Variants in GUCY2C observed in about 807,000 individuals in gnomAD.
GUCY2C encodes the protein guanylate cyclase 2C, also known as guanylyl cyclase C.
Under a neutral mutation model 131.1 loss-of-function variants are expected in GUCY2C, and 118 were observed. The ratio of observed to expected loss-of-function variants is 0.90; its 90% CI spans 0.78 to 1.05. The LOEUF (loss-of-function observed/expected upper bound fraction) is 1.05, where lower values mean the gene tolerates loss of function less well. Among genes scored for constraint, GUCY2C ranks in the 50% least tolerant of loss-of-function variants. The pLI, the probability that GUCY2C is intolerant of heterozygous loss-of-function variation, is 0.00. For missense variants in GUCY2C, 1,161 were observed against 1,304.4 expected (o/e 0.89, Z 1.69); for synonymous variants, 452 against 457.8 (o/e 0.99, Z 0.16).
At chr12:14,644,250 G>A (rs756175720) in intron 16 of GUCY2C, among the ~76,000 whole-genome samples, 1 of 152,114 alleles carries the variant, frequency 6.6e-6, no homozygotes, top group Non-Finnish European at 1.5e-5. Flanking sequence ...TTGGGAGGCC[G>A]AGCTACTCAG....
chr12:14,621,966 T>G, intron 22 of GUCY2C, 39 bp downstream of exon 22: 1 of 1,424,684 alleles, frequency 7.0e-7, no homozygotes, highest in Non-Finnish European at 9.6e-7. Flanking sequence ...CCTTGAGTTG[T>G]ACAATTAATG....
At chr12:14,639,777 G>T in intron 19 of GUCY2C, 85 bp downstream of exon 19, 3 of 870,858 alleles carry the variant, frequency 3.4e-6, no homozygotes, top group Middle Eastern at 4.4e-4. Context: ...AACCGTAAGT[G>T]AATAAATTTT....
At chr12:14,695,427 C>T (rs1948638465) in intron 1 of GUCY2C, among the ~76,000 whole-genome samples, 1 of 151,734 alleles carries the variant, frequency 6.6e-6, no homozygotes, top group South Asian at 2.1e-4. Context: ...ACAGACCACC[C>T]CCTCTCTACT....
At chr12:14,679,948 T>C (rs1565632934) in intron 5 of GUCY2C, among the ~76,000 whole-genome samples, 195 bp from the exon 6 acceptor site, 1 of 152,014 alleles carries the variant, frequency 6.6e-6, no homozygotes, top group African/African-American at 2.4e-5. Context: ...GAATGGGATC[T>C]TTTTTAAAAA....
intron 2 of GUCY2C, 54 bp downstream of exon 2, chr12:14,687,897 G>A: frequency 1.1e-6 from 1 of 933,300 alleles, no homozygotes; most frequent in African/African-American, 1.6e-5. Context: ...TTTCACACTG[G>A]GATTATCCTG....
intron 9 of GUCY2C, 150 bp downstream of exon 9, chr12:14,672,723 C>T: frequency 1.7e-6 from 1 of 605,388 alleles, no homozygotes; most frequent in East Asian, 2.8e-5. Flanking sequence ...GAATACTACC[C>T]TAAGTGGGGC....
intron 12 of GUCY2C, among the ~76,000 whole-genome samples, chr12:14,654,387 C>G (rs550759173): frequency 2.0e-5 from 3 of 152,284 alleles, no homozygotes; most frequent in African/African-American, 7.2e-5. Context: ...CTACCTGACT[C>G]TTAGCACCTG....
Position 14,613,064 on chromosome 12 carries a change from G to A in GUCY2C, c.*53C>T, listed in dbSNP as rs1028714696. ...AGCTTTCAGGACACTTGAGGTCGCT[G>A]CCTCAGTGCAGCTGTATTTTAATTT... On this transcript the variant is annotated 3_prime_UTR_variant, in exon 27 of 27. Transcript: ENST00000261170. This position sits in a 1 kb window ranked among gnomAD's most constrained non-coding sequence, Gnocchi z 4.9. The A allele has an allele frequency of 1.4e-6, 2 of 1,430,074 alleles. No individual in the cohort carries two copies. The highest frequency in any genetic ancestry group is 2.0e-6 in the Non-Finnish European group (2 of 1,018,128). 88.6% of individuals were successfully genotyped at this position (1,430,074 alleles called of 1,614,324 possible).
In GUCY2C at chr12:14,657,183, C is replaced by T. The variant is rs115408720; in HGVS notation, c.1365-566G>A. ...TCACTTCACTTTCCTAGGTTTTTCA[C>T]TAAGGCAGTCCTTCACAATACTAAA... On this transcript the variant is annotated intron_variant, in intron 11 of 26. Coordinates refer to ENST00000261170, the MANE Select transcript of GUCY2C (RefSeq NM_004963.4). Among the ~76,000 whole-genome samples, 1,217 of 152,184 alleles carry T rather than the reference C, an allele frequency of 8.0e-3. 17 individuals are homozygous for T. Among genetic ancestry groups the T allele is most frequent in the African/African-American group, 0.027 (1,133 of 41,506 alleles).
chr12:14,623,952 C>T (rs868217521), intron 21 of GUCY2C, among the ~76,000 whole-genome samples: 7 of 152,068 alleles, frequency 4.6e-5, no homozygotes, highest in African/African-American at 1.2e-4. Context: ...TACCTAGTCT[C>T]GGGTAGTTCT....
chr12:14,653,078 A>C, intron 12 of GUCY2C, 64 bp from the exon 13 acceptor site: 4 of 1,175,622 alleles, frequency 3.4e-6, no homozygotes, highest in Non-Finnish European at 5.1e-6. Flanking sequence ...CTGCCTGTCA[A>C]AGGCTGAGAG....
intron 18 of GUCY2C, among the ~76,000 whole-genome samples, chr12:14,640,338 T>C (rs1947369069): frequency 6.6e-6 from 1 of 151,524 alleles, no homozygotes; most frequent in Non-Finnish European, 1.5e-5. Flanking sequence ...GCACCTGTCG[T>C]CCCAGCTACT....
At position 14,614,890 on chromosome 12, in the gene GUCY2C, GA is replaced by G. The variant is rs1946724815; in HGVS notation, c.3023del (p.Phe1008SerfsTer22). ...YWLTGMKDQKFNLPTPPTVEN... is the reference protein window; with the variant it reads ...YWLTGMKDQKXNLPTPPTVEN... ...ACACAGTAGGAGGGGTTGGCAGGTT[GA>G]ATTTCTGGTCCTTCATCCCAGTCAG... On this transcript the variant is annotated frameshift_variant, in exon 26 of 27. Coordinates refer to ENST00000261170, the MANE Select transcript of GUCY2C (RefSeq NM_004963.4). LOFTEE classifies it high-confidence loss of function. The G allele has an allele frequency of 6.3e-7, 1 of 1,586,474 alleles. No homozygotes were observed. The highest frequency in any genetic ancestry group is 8.6e-7 in the Non-Finnish European group (1 of 1,169,122).
chr12:14,674,650 A>AT lies in GUCY2C; in HGVS notation c.1058dup (p.His353GlnfsTer9). The AT allele has an allele frequency of 6.2e-7, 1 of 1,613,780 alleles. No individual in the cohort carries two copies. The highest frequency in any genetic ancestry group is 8.5e-7 in the Non-Finnish European group (1 of 1,179,760). Reference sequence around the variant, plus strand: ...CTTCAAAAGTGAGATTCCTGAAAGCATGAGCAAATTTGGGGGTGGTAATAT... The same window carrying AT: ...CTTCAAAAGTGAGATTCCTGAAAGCATTGAGCAAATTTGGGGGTGGTAATAT... On this transcript the variant is annotated frameshift_variant, in exon 8 of 27. Transcript: ENST00000261170. LOFTEE classifies it high-confidence loss of function.
intron 1 of GUCY2C, among the ~76,000 whole-genome samples, chr12:14,689,295 T>C (rs1948533754): frequency 6.6e-6 from 1 of 152,006 alleles, no homozygotes; most frequent in South Asian, 2.1e-4. Context: ...AGCAAGTGGG[T>C]GAAGGGAACT....
intron 11 of GUCY2C, among the ~76,000 whole-genome samples, chr12:14,656,823 C>G (rs914528720): frequency 6.6e-6 from 1 of 152,124 alleles, no homozygotes; most frequent in African/African-American, 2.4e-5. Context: ...GCTTTTATAG[C>G]GGTGGCCCTC....
chr12:14,669,792 G>A lies in GUCY2C; in HGVS notation c.1212C>T (p.Thr404=), dbSNP rs770892423. The A allele has an allele frequency of 6.2e-7, 1 of 1,603,578 alleles. No homozygotes were observed. Among genetic ancestry groups the A allele is most frequent in the African/African-American group, 1.3e-5 (1 of 74,720 alleles). ...ATGTGGGGCTCATATCCACAGGATA[G>A]GTCTTATTTACGTGGGTATCATAGG... is the stretch of plus-strand genomic sequence containing the variant. The part of the protein sequence containing the change: ...LLTYDTHVNK[T]YPVDMSPTFT... Residue 404 remains threonine, a synonymous_variant, in exon 10 of 27, where the codon ACC becomes ACT. Coordinates refer to ENST00000261170, the MANE Select transcript of GUCY2C (RefSeq NM_004963.4).
chr12:14,691,619 C>T (rs2114841), intron 1 of GUCY2C, among the ~76,000 whole-genome samples: 39,101 of 151,952 alleles, frequency 0.26, 6,668 homozygotes, highest in African/African-American at 0.47. Flanking sequence ...TGACCTCCTG[C>T]CTCTATGAGG....
chr12:14,641,190 G>A lies in GUCY2C; in HGVS notation c.1960C>T (p.Gln654Ter), dbSNP rs1375210671. ...DLWTAPEHLRQANISQKGDVY... is the reference protein window; with the variant it reads ...DLWTAPEHLR ...TCTCCTTTCTGAGAGATGTTGGCTT[G>A]GCGGAGGTGCTCTGGAGCTGTCCAC... is the stretch of plus-strand genomic sequence containing the variant. Residue 654 changes from glutamine (Q) to a stop codon, truncating the protein, a stop_gained, in exon 18 of 27, where the codon CAA becomes TAA. Transcript: ENST00000261170. LOFTEE classifies it high-confidence loss of function. 2 of 1,613,604 alleles carry A rather than the reference G, an allele frequency of 1.2e-6. No homozygotes were observed. The highest frequency in any genetic ancestry group is 2.7e-5 in the African/African-American group (2 of 75,010).
Sources: gnomAD v4.1 joint callset for allele counts (sites outside exome capture counted in the v4.1 genomes callset) on GRCh38, gnomAD v4.1.1 for gene constraint, Gnocchi (gnomAD v3.1) non-coding constraint, MANE v1.5 for transcripts, NCBI Gene and HGNC (gene_info 2026-07-23, HGNC 2026-07-21) for gene names.